Variants in OPA1 observed in about 807,000 individuals in gnomAD.
The protein encoded by OPA1 is dynamin-like GTPase OPA1, mitochondrial.
OPA1 carries 59 observed loss-of-function variants against 152.9 expected under a neutral mutation model. That is an observed-to-expected ratio of 0.39 (90% CI 0.31 to 0.48). The LOEUF (loss-of-function observed/expected upper bound fraction) is 0.48. Ranked by LOEUF, OPA1 falls within the 20% of genes least tolerant of loss-of-function variation. The pLI is 0.96. For missense variants in OPA1, 1,008 were observed against 1,216.8 expected (o/e 0.83, Z 2.55); for synonymous variants, 400 against 389.9 (o/e 1.03, Z -0.31).
At chr3:193,614,014 T>G (rs1728654566) in intron 1 of OPA1, 1 of 517,056 alleles carries the variant, frequency 1.9e-6, no homozygotes. Context: ...TGAGTGTATG[T>G]TAAGATATGG....
chr3:193,628,597 T>A (rs186991002), intron 7 of OPA1: 2 of 152,334 alleles, frequency 1.3e-5, no homozygotes, highest in East Asian at 3.9e-4. Context: ...TCAAGACCAT[T>A]GATATCCATT....
At chr3:193,650,844 A>T (rs1442832249) in intron 21 of OPA1, among the ~76,000 whole-genome samples, 4 of 152,204 alleles carry the variant, frequency 2.6e-5, no homozygotes, top group African/African-American at 4.8e-5. Context: ...CAATGTAGAC[A>T]TATCTTTTCT....
At chr3:193,679,599 T>C (rs1030185862) in intron 29 of OPA1, among the ~76,000 whole-genome samples, 1 of 152,200 alleles carries the variant, frequency 6.6e-6, no homozygotes, top group African/African-American at 2.4e-5. Flanking sequence ...GATAGGACTT[T>C]TTTTAAAGAA....
intron 22 of OPA1, among the ~76,000 whole-genome samples, chr3:193,656,481 A>G (rs543646891): frequency 4.9e-4 from 74 of 152,342 alleles, no homozygotes; most frequent in Non-Finnish European, 6.3e-4. Flanking sequence ...GGAGTTAGCT[A>G]TAATACAAAG....
Position 193,614,960 on chromosome 3 carries a change from A to C in OPA1, c.270A>C (p.Pro90=), listed in dbSNP as rs1274743555. ...ACCAGCCTCGCAGGAATTTTTGGCC[A>C]GCAAGATTAGCTACGAGACTCTTAA... ...YGYQPRRNFW[P]ARLATRLLKL... is the part of the protein sequence containing the mutation. The change falls in exon 2 of 31, where the codon CCA becomes CCC. Residue 90 remains proline, a synonymous_variant. Transcript: ENST00000361510. The C allele has an allele frequency of 1.1e-5, 18 of 1,614,096 alleles. No homozygotes were observed. Among genetic ancestry groups the C allele is most frequent in the Non-Finnish European group, 1.5e-5 (18 of 1,180,028 alleles).
At chr3:193,671,434 G>C (rs1717894053) in intron 29 of OPA1, among the ~76,000 whole-genome samples, 1 of 152,210 alleles carries the variant, frequency 6.6e-6, no homozygotes, top group Non-Finnish European at 1.5e-5. Context: ...CAAGGAAAGA[G>C]TGAAGAGCTG....
chr3:193,610,216 T>C (rs1446302272), intron 1 of OPA1, among the ~76,000 whole-genome samples: 1 of 152,194 alleles, frequency 6.6e-6, no homozygotes, highest in Non-Finnish European at 1.5e-5. Context: ...GGGTTTTTGG[T>C]GTGGATGTCC....
Position 193,614,895 on chromosome 3 carries a change from C to G in OPA1, c.205C>G (p.Pro69Ala), listed in dbSNP as rs750775588. ...GCAGTTCTCTTCTCTGACAAACCTTCCTTTACGTAAACTGAAATTCTCTCC... is the reference window on the plus strand; with the variant it reads ...GCAGTTCTCTTCTCTGACAAACCTTGCTTTACGTAAACTGAAATTCTCTCC... ...FQQFSSLTNL[P>A]LRKLKFSPIK... The change falls in exon 2 of 31, where the codon CCT becomes GCT. Residue 69 changes from proline (P) to alanine (A), a missense_variant. Transcript: ENST00000361510. 25 of 1,613,874 alleles carry G rather than the reference C, an allele frequency of 1.5e-5. No individual in the cohort carries two copies. The highest frequency in any genetic ancestry group is 2.1e-5 in the Non-Finnish European group (25 of 1,179,920).
chr3:193,659,338 A>G lies in OPA1; in HGVS notation c.2441-144A>G, dbSNP rs1714672278. The G allele has an allele frequency of 1.3e-5, 9 of 702,024 alleles. No individual in the cohort carries two copies. The East Asian group carries it at 1.9e-4, about 15-fold the overall frequency. The allele number at this position is 702,024 out of a possible 1,614,324, so 43.5% of individuals were successfully genotyped here. A position where few individuals can be genotyped will look rare whatever the true frequency, so the allele number is the denominator to read the frequency against. On this transcript the variant is annotated intron_variant, in intron 24 of 30. Coordinates refer to ENST00000361510, the MANE Select transcript of OPA1 (RefSeq NM_130837.3). The stretch of plus-strand genomic sequence containing the variant: ...TAAACTCTTACACATGTGCCATATC[A>G]GTCATGTGGGTTTTTTCCTTTATTT...
At chr3:193,658,837 A>C (rs572975101) in intron 23 of OPA1, 50 bp from the exon 24 acceptor site, 2 of 1,254,206 alleles carry the variant, frequency 1.6e-6, no homozygotes, top group South Asian at 2.4e-5. Context: ...AAACTACTAA[A>C]ATGATGAGAT....
chr3:193,604,284 G>T (rs751378375), intron 1 of OPA1, among the ~76,000 whole-genome samples: 20 of 152,150 alleles, frequency 1.3e-4, no homozygotes, highest in Non-Finnish European at 2.6e-4. Flanking sequence ...CCTAAAGCTG[G>T]GGGCTGTTGT....
chr3:193,684,217 C>T (rs4353761), intron 29 of OPA1, among the ~76,000 whole-genome samples: 14 of 152,150 alleles, frequency 9.2e-5, no homozygotes, highest in African/African-American at 2.4e-4. Context: ...GGCTAACATG[C>T]GTAGTTCTAG....
intron 21 of OPA1, among the ~76,000 whole-genome samples, chr3:193,654,524 A>G (rs1713324379): frequency 6.6e-6 from 1 of 152,144 alleles, no homozygotes; most frequent in South Asian, 2.1e-4. Context: ...TGAAATATTA[A>G]TACATACAAC....
At chr3:193,664,833 C>A in intron 26 of OPA1, 47 bp from the exon 27 acceptor site, 1 of 1,007,104 alleles carries the variant, frequency 9.9e-7, no homozygotes. Flanking sequence ...GGTTGATCAA[C>A]ATGAAGAATA....
At chr3:193,645,526 A>G (rs376042829) in intron 16 of OPA1, 27 bp from the exon 17 acceptor site, 76 of 1,572,206 alleles carry the variant, frequency 4.8e-5, no homozygotes, top group Non-Finnish European at 5.7e-5. Context: ...TATATCTCAC[A>G]TTAATTTTTC....
At chr3:193,656,111 A>G (rs959857067) in intron 22 of OPA1, among the ~76,000 whole-genome samples, 5 of 152,126 alleles carry the variant, frequency 3.3e-5, no homozygotes, top group African/African-American at 7.2e-5. Context: ...CTACCCCTTC[A>G]GTAGCTCTCA....
chr3:193,677,060 T>C (rs1408536226), intron 29 of OPA1, among the ~76,000 whole-genome samples: 1 of 151,828 alleles, frequency 6.6e-6, no homozygotes, highest in Non-Finnish European at 1.5e-5. Context: ...CATTTTCTTT[T>C]CTATAATATT....
At chr3:193,602,542 A>G (rs935170435) in intron 1 of OPA1, among the ~76,000 whole-genome samples, 1 of 152,226 alleles carries the variant, frequency 6.6e-6, no homozygotes, top group Non-Finnish European at 1.5e-5. Context: ...TATTAGGGAC[A>G]TGGGCCTCCC....
At position 193,614,831 on chromosome 3, in the gene OPA1, C is replaced by G; in HGVS notation, c.141C>G (p.Thr47=). The G allele has an allele frequency of 6.2e-7, 1 of 1,613,866 alleles. No homozygotes were observed. Among genetic ancestry groups the G allele is most frequent in the Non-Finnish European group, 8.5e-7 (1 of 1,179,732 alleles). The change falls in exon 2 of 31, where the codon ACC becomes ACG. Residue 47 remains threonine, a synonymous_variant. Transcript: ENST00000361510. ...GCATTTATCATTCACATCATCCTAC[C>G]TTAAAGCTTCAACGACCCCAATTAA... ...SRSIYHSHHP[T]LKLQRPQLRT...
Sources: allele counts gnomAD v4.1 joint callset (sites outside exome capture counted in the v4.1 genomes callset), GRCh38; gene constraint gnomAD v4.1.1; transcripts MANE v1.5; gene names NCBI Gene and HGNC (gene_info 2026-07-23, HGNC 2026-07-21).